Variants in SNRPN observed in about 807,000 individuals in gnomAD.
The protein encoded by SNRPN is small nuclear ribonucleoprotein-associated protein N.
Under a neutral mutation model 25.2 loss-of-function variants are expected in SNRPN, and 7 were observed. The ratio of observed to expected loss-of-function variants is 0.28; its 90% CI spans 0.16 to 0.52. The LOEUF (loss-of-function observed/expected upper bound fraction) is 0.52, where lower values mean the gene tolerates loss of function less well. Ranked by LOEUF, SNRPN falls within the 20% of genes least tolerant of loss-of-function variation. The pLI is 0.96. For missense variants in SNRPN, 196 were observed against 322.5 expected (o/e 0.61, Z 3.00); for synonymous variants, 124 against 110.6 (o/e 1.12, Z -0.76).
At chr15:24,871,848 GC>G (rs968606254) in intron 1 of SNRPN, among the ~76,000 whole-genome samples, 5 of 121,598 alleles carry the variant, frequency 4.1e-5, no homozygotes, top group South Asian at 2.9e-4. Flanking sequence ...GGGACTACAG[GC>G]GCCCACCACC....
intron 3 of SNRPN, among the ~76,000 whole-genome samples, chr15:24,942,620 G>A (rs2061622391): frequency 1.3e-5 from 2 of 152,228 alleles, no homozygotes. Flanking sequence ...AGCATTGCAT[G>A]CAGTGTAAGC....
At chr15:24,879,807 A>G (rs2056404241) in intron 1 of SNRPN, among the ~76,000 whole-genome samples, 2 of 152,214 alleles carry the variant, frequency 1.3e-5, no homozygotes, top group South Asian at 4.1e-4. Context: ...CAGTAGTTGC[A>G]AGAGACAGAA....
rs192330020 is a variant in SNRPN, at chr15:24,929,662, G to A, written c.-391+9538G>A. On this transcript the variant is annotated intron_variant, in intron 3 of 11. Coordinates refer to the SNRPN transcript ENST00000400097. The surrounding 1 kb of genome is among the most constrained non-coding windows in gnomAD (Gnocchi z 5.3). ...CCAACTCTCTATGGGGCTGCCACAC[G>A]ACTTCCTAAAAAGGCATAAACACAT... Among the ~76,000 whole-genome samples the A allele has an allele frequency of 2.3e-3, 351 of 152,054 alleles. 2 individuals are homozygous for A. Among genetic ancestry groups the A allele is most frequent in the African/African-American group, 7.9e-3 (329 of 41,466 alleles).
chr15:24,976,956 C>T lies in SNRPN; in HGVS notation c.347C>T (p.Ala116Val), dbSNP rs200977523. ...VGRAAGRGVP[A>V]GVPIPQAPAG... The stretch of plus-strand genomic sequence containing the variant: ...AGGGCAGCTGGTAGAGGAGTACCAG[C>T]TGGTGTGCCAATTCCCCAGGCCCCT... The change falls in exon 7 of 10, where the codon GCT (alanine) becomes GTT (valine). Residue 116 changes from alanine to valine, a missense_variant. Physicochemically the swap from Ala to Val is moderately conservative, Grantham distance 64. Coordinates refer to ENST00000390687, the MANE Select transcript of SNRPN (RefSeq NM_003097.6). 43 of 1,606,336 alleles carry T rather than the reference C, an allele frequency of 2.7e-5. No individual in the cohort carries two copies. The highest frequency in any genetic ancestry group is 3.6e-5 in the Non-Finnish European group (42 of 1,177,424).
chr15:24,924,437 G>C (rs1287950698), intron 3 of SNRPN, among the ~76,000 whole-genome samples: 1 of 152,004 alleles, frequency 6.6e-6, no homozygotes, highest in Non-Finnish European at 1.5e-5. Flanking sequence ...GAGTTTCCTG[G>C]GGAGGGGATT....
At chr15:24,974,651 T>C in intron 4 of SNRPN, 195 bp downstream of exon 4, 1 of 651,046 alleles carries the variant, frequency 1.5e-6, no homozygotes, top group Non-Finnish European at 2.8e-6. Flanking sequence ...GACGGGGTCT[T>C]GCTCTGTCTC....
At chr15:24,904,865 C>T (rs1312592900) in intron 2 of SNRPN, among the ~76,000 whole-genome samples, 1 of 150,588 alleles carries the variant, frequency 6.6e-6, no homozygotes, top group Non-Finnish European at 1.5e-5. Context: ...AAGGCGTGAA[C>T]CCGGGAAGTG....
chr15:24,884,129 T>C (rs539311306), intron 1 of SNRPN, among the ~76,000 whole-genome samples: 19 of 125,112 alleles, frequency 1.5e-4, no homozygotes, highest in Non-Finnish European at 2.7e-4. Context: ...CTGGGCAACA[T>C]GGCATAACCC....
upstream of SNRPN, among the ~76,000 whole-genome samples, chr15:24,953,586 G>T (rs2062453296): frequency 6.6e-6 from 1 of 152,184 alleles, no homozygotes; most frequent in Non-Finnish European, 1.5e-5. Flanking sequence ...CTCCCAAAGT[G>T]CTGGGAATAC....
In SNRPN at chr15:24,882,969, A is replaced by G. The variant is rs183133803; in HGVS notation, c.-578-3547A>G. 1.9e-4 allele frequency among the ~76,000 whole-genome samples: 29 copies of G among 152,210 alleles called. No homozygotes were observed. The East Asian group carries it at 4.4e-3, about 23-fold the overall frequency. On this transcript the variant is annotated intron_variant, in intron 1 of 11. Transcript: ENST00000400097. The stretch of plus-strand genomic sequence containing the variant: ...CTACATTTGGGCAAAATCATCAAAC[A>G]CAAAGTCTATTTTATAATAAAGTGT...
At position 24,962,220 on chromosome 15, in the gene SNRPN, A is replaced by C. The variant is rs199986212; in HGVS notation, c.-295+11A>C. 100 of 1,609,610 alleles carry C rather than the reference A, an allele frequency of 6.2e-5. No homozygotes were observed. Among genetic ancestry groups the C allele is most frequent in the Admixed American group, 6.7e-5 (4 of 59,988 alleles). Reference sequence around the variant, plus strand: ...ACTGAGCAACCAAGAGTGAGTACAGACTGTGTTGGGAACAAATGCAAGTCA... The same window carrying C: ...ACTGAGCAACCAAGAGTGAGTACAGCCTGTGTTGGGAACAAATGCAAGTCA... On this transcript the variant is annotated intron_variant, in intron 2 of 9. Transcript: ENST00000390687.
chr15:24,852,023 T>C (rs948479374), upstream of SNRPN: 2 of 152,252 alleles, frequency 1.3e-5, no homozygotes, highest in Non-Finnish European at 2.9e-5. Context: ...AATTACTTAA[T>C]GGTGGATTAG....
At chr15:24,826,088 A>G (rs1440780057) in intron 1 of SNRPN, among the ~76,000 whole-genome samples, 1 of 152,038 alleles carries the variant, frequency 6.6e-6, no homozygotes, top group East Asian at 1.9e-4. Context: ...CATGAATAAG[A>G]TGAAAGAGTT....
chr15:24,934,707 C>G (rs1192717247), intron 3 of SNRPN, among the ~76,000 whole-genome samples: 1 of 152,184 alleles, frequency 6.6e-6, no homozygotes, highest in African/African-American at 2.4e-5. Flanking sequence ...AGGCGTGTGC[C>G]TCCGCTCCCA....
At chr15:24,963,004 T>C (rs1242673183) in intron 2 of SNRPN, among the ~76,000 whole-genome samples, 1 of 108,690 alleles carries the variant, frequency 9.2e-6, no homozygotes, top group Non-Finnish European at 1.8e-5. Flanking sequence ...AACTACCAAC[T>C]TAACTGGCCT....
chr15:24,887,257 C>T (rs908470399), intron 2 of SNRPN, among the ~76,000 whole-genome samples: 2 of 151,474 alleles, frequency 1.3e-5, no homozygotes, highest in Non-Finnish European at 2.9e-5. Flanking sequence ...AAGCGATTCT[C>T]CTGCCTCAGG....
chr15:24,978,146 T>C (rs764147025), intron 8 of SNRPN, 47 bp from the exon 9 acceptor site: 121 of 1,591,716 alleles, frequency 7.6e-5, no homozygotes, highest in Non-Finnish European at 1.0e-4. Context: ...TTCTAACTTT[T>C]CTAAGCCATT....
At chr15:24,850,335 G>A (rs1024879405) in intron 2 of SNRPN, 7 of 152,080 alleles carry the variant, frequency 4.6e-5, no homozygotes, top group African/African-American at 1.7e-4. Flanking sequence ...GTCTGAGACG[G>A]AGTCTCTCTT....
At chr15:24,885,550 C>A (rs572086415) in intron 1 of SNRPN, among the ~76,000 whole-genome samples, 1 of 152,210 alleles carries the variant, frequency 6.6e-6, no homozygotes, top group East Asian at 1.9e-4. Flanking sequence ...AACCATTTTG[C>A]TTTTATTAGC....
Sources: allele counts gnomAD v4.1 joint callset (sites outside exome capture counted in the v4.1 genomes callset), GRCh38; gene constraint gnomAD v4.1.1; non-coding constraint Gnocchi (gnomAD v3.1); transcripts MANE v1.5; gene names NCBI Gene and HGNC (gene_info 2026-07-23, HGNC 2026-07-21).